Variants in PTAR1 observed in about 807,000 individuals in gnomAD.
PTAR1 encodes the protein protein prenyltransferase alpha subunit repeat-containing protein 1.
In PTAR1, 17 loss-of-function variants were observed where a neutral mutation model predicts 45.5. The ratio of observed to expected loss-of-function variants is 0.37; its 90% CI spans 0.26 to 0.56. The LOEUF is 0.56. Among genes scored for constraint, PTAR1 ranks in the 20% least tolerant of loss-of-function variants. PTAR1 has a pLI of 0.77. For synonymous variants in PTAR1, 169 were observed against 171.3 expected (o/e 0.99, Z 0.11); for missense variants, 391 against 476.3 (o/e 0.82, Z 1.67).
chr9:69,742,792 ATT>A (rs1224359727), intron 2 of PTAR1, among the ~76,000 whole-genome samples: 2 of 152,126 alleles, frequency 1.3e-5, no homozygotes, highest in African/African-American at 4.8e-5. Context: ...TTTAATTTAC[ATT>A]TGTTAATAGA....
In PTAR1 at chr9:69,709,533, G is replaced by A. The variant is rs184325288; in HGVS notation, c.*8809C>T. 3 of 152,220 alleles carry A rather than the reference G, an allele frequency of 2.0e-5. No individual in the cohort carries two copies. The East Asian group carries it at 5.8e-4, about 29-fold the overall frequency. 9.4% of individuals were successfully genotyped at this position (152,220 alleles called of 1,614,324 possible). On this transcript the variant is annotated 3_prime_UTR_variant, in exon 8 of 8. Coordinates refer to ENST00000340434, the MANE Select transcript of PTAR1 (RefSeq NM_001099666.2). ...ATCACACTTAACACTCATTTTAGGA[G>A]ATAAAAGGTTTACTTAGAAATTGCA...
intron 2 of PTAR1, among the ~76,000 whole-genome samples, chr9:69,743,664 C>T (rs888422454): frequency 6.6e-6 from 1 of 152,086 alleles, no homozygotes; most frequent in African/African-American, 2.4e-5. Context: ...TTGGCACTAA[C>T]TTAATGTTTA....
At chr9:69,742,550 C>G (rs566422220) in intron 2 of PTAR1, among the ~76,000 whole-genome samples, 2 of 152,000 alleles carry the variant, frequency 1.3e-5, no homozygotes, top group Non-Finnish European at 2.9e-5. Context: ...TTTTTAAAAA[C>G]TTTTTGTCTT....
rs781616474 is a variant in PTAR1, at chr9:69,710,630, C to T, written c.*7712G>A. On this transcript the variant is annotated 3_prime_UTR_variant, in exon 8 of 8. Transcript: ENST00000340434. ...GCATTTTAAGGGTAAAAAGAATTCA[C>T]AAAATATTGAATCCTTAACAAATGT... 39 of 152,006 alleles carry T rather than the reference C, an allele frequency of 2.6e-4. No homozygotes were observed. The highest frequency in any genetic ancestry group is 5.0e-4 in the Non-Finnish European group (34 of 67,966). 9.4% of individuals were successfully genotyped at this position (152,006 alleles called of 1,614,324 possible). A position where few individuals can be genotyped will look rare whatever the true frequency, so the allele number is the denominator to read the frequency against.
chr9:69,741,947 T>C, intron 2 of PTAR1, 89 bp from the exon 3 acceptor site: 2 of 785,342 alleles, frequency 2.5e-6, no homozygotes, highest in East Asian at 2.7e-5. Context: ...TTTCTCTCTA[T>C]CACATTATAC....
intron 5 of PTAR1, among the ~76,000 whole-genome samples, chr9:69,728,645 C>T (rs1825394081): frequency 1.3e-5 from 2 of 152,012 alleles, no homozygotes; most frequent in South Asian, 4.2e-4. Flanking sequence ...ACTATATGTG[C>T]TTTTTTTATG....
At chr9:69,755,379 A>G (rs1264053585) in intron 1 of PTAR1, among the ~76,000 whole-genome samples, 1 of 152,194 alleles carries the variant, frequency 6.6e-6, no homozygotes, top group Admixed American at 6.5e-5. Context: ...CAGTTCATGT[A>G]ACACTGATAC....
At chr9:69,741,627 AG>A (rs1290715884) in intron 3 of PTAR1, 164 bp downstream of exon 3, 13 of 560,848 alleles carry the variant, frequency 2.3e-5, no homozygotes, top group Non-Finnish European at 3.5e-5. Context: ...CCACACAAAA[AG>A]GGGCAAAATG....
chr9:69,737,175 G>T (rs1440618358), intron 3 of PTAR1, among the ~76,000 whole-genome samples: 1 of 151,838 alleles, frequency 6.6e-6, no homozygotes, highest in Non-Finnish European at 1.5e-5. Context: ...TGCCTCCTGG[G>T]CTCAAGTGAT....
At chr9:69,751,404 T>C (rs997485266) in intron 1 of PTAR1, among the ~76,000 whole-genome samples, 1 of 151,518 alleles carries the variant, frequency 6.6e-6, no homozygotes, top group Non-Finnish European at 1.5e-5. Flanking sequence ...GATCTGCATA[T>C]GCTGACATAA....
chr9:69,743,441 C>A (rs755391153), intron 2 of PTAR1, among the ~76,000 whole-genome samples: 134 of 152,178 alleles, frequency 8.8e-4, no homozygotes, highest in Non-Finnish European at 1.5e-3. Flanking sequence ...ACAATAAAAT[C>A]AATTATTTTA....
chr9:69,745,374 A>T (rs1826231587), intron 2 of PTAR1, among the ~76,000 whole-genome samples: 1 of 152,236 alleles, frequency 6.6e-6, no homozygotes, highest in African/African-American at 2.4e-5. Context: ...TAGGTAAATT[A>T]GCATAGTCCC....
intron 3 of PTAR1, among the ~76,000 whole-genome samples, chr9:69,740,042 C>T (rs549827837): frequency 6.8e-4 from 103 of 152,158 alleles, no homozygotes; most frequent in African/African-American, 2.3e-3. Flanking sequence ...AAAACCAAAA[C>T]TCTTGATAAT....
At chr9:69,738,212 C>T (rs902636368) in intron 3 of PTAR1, among the ~76,000 whole-genome samples, 33 of 152,148 alleles carry the variant, frequency 2.2e-4, no homozygotes, top group Admixed American at 2.0e-3. Context: ...GTTACAGATT[C>T]TGGAGAGGAA....
intron 2 of PTAR1, among the ~76,000 whole-genome samples, chr9:69,750,173 T>C (rs1207350211): frequency 2.0e-5 from 3 of 151,354 alleles, no homozygotes; most frequent in Non-Finnish European, 4.4e-5. Context: ...GATTGTCTGA[T>C]GCAGTAAAAA....
At chr9:69,735,976 C>T (rs920055673) in intron 3 of PTAR1, among the ~76,000 whole-genome samples, 2 of 150,158 alleles carry the variant, frequency 1.3e-5, no homozygotes, top group African/African-American at 4.9e-5. Context: ...ATATTTTTTT[C>T]TTGCAACAGC....
rs149031196 is a variant in PTAR1 at position 69,710,383 on chromosome 9, T to C, written c.*7959A>G. ...ATTAAAATTAATTTTGCTTGTTTCT[T>C]TTTTAATATGGCTACTAGAAAATTA... On this transcript the variant is annotated 3_prime_UTR_variant, in exon 8 of 8. Coordinates refer to ENST00000340434, the MANE Select transcript of PTAR1 (RefSeq NM_001099666.2). The C allele has an allele frequency of 4.1e-4, 63 of 152,272 alleles. No individual in the cohort carries two copies. The highest frequency in any genetic ancestry group is 1.5e-3 in the African/African-American group (62 of 41,572). 9.4% of individuals were successfully genotyped at this position (152,272 alleles called of 1,614,324 possible). A position where few individuals can be genotyped will look rare whatever the true frequency, so the allele number is the denominator to read the frequency against.
intron 1 of PTAR1, among the ~76,000 whole-genome samples, chr9:69,754,511 T>C (rs1350601750): frequency 6.7e-6 from 1 of 149,656 alleles, no homozygotes; most frequent in African/African-American, 2.4e-5. Flanking sequence ...TGTTTTGCTA[T>C]TAACATGTTT....
At chr9:69,738,006 T>C (rs1825869931) in intron 3 of PTAR1, among the ~76,000 whole-genome samples, 1 of 152,208 alleles carries the variant, frequency 6.6e-6, no homozygotes, top group Non-Finnish European at 1.5e-5. Context: ...GTCCATACTT[T>C]ATTTAGAATT....
Sources: gnomAD v4.1 joint callset for allele counts (sites outside exome capture counted in the v4.1 genomes callset) on GRCh38, gnomAD v4.1.1 for gene constraint, MANE v1.5 for transcripts, NCBI Gene and HGNC (gene_info 2026-07-23, HGNC 2026-07-21) for gene names.